The following GINS3 variants were observed in gnomAD, a reference collection of about 807,000 sequenced individuals.
GINS3 encodes DNA replication complex GINS protein PSF3.
In GINS3, 18 loss-of-function variants were observed where a neutral mutation model predicts 20.0. The ratio of observed to expected loss-of-function variants is 0.90; its 90% CI spans 0.62 to 1.33. The LOEUF (loss-of-function observed/expected upper bound fraction) is 1.33, where lower values mean the gene tolerates loss of function less well. Ranked by LOEUF, GINS3 falls within the 40% of genes most tolerant of loss-of-function variation. The pLI, the probability that GINS3 is intolerant of heterozygous loss-of-function variation, is 0.00. For missense variants in GINS3, 254 were observed against 273.6 expected (o/e 0.93, Z 0.51); for synonymous variants, 109 against 107.0 (o/e 1.02, Z -0.12).
rs1336812106 is a variant in GINS3, at chr16:58,403,294, G to A, written c.383G>A (p.Ser128Asn). 1 of 1,614,104 alleles carries A rather than the reference G, an allele frequency of 6.2e-7. No homozygotes were observed. Among genetic ancestry groups the A allele is most frequent in the South Asian group, 1.1e-5 (1 of 91,078 alleles). Reference protein sequence around the residue: ...GFGSQLLHFDSPENADISQSL... With the variant: ...GFGSQLLHFDNPENADISQSL... ...GGCTCCCAGCTCCTGCATTTTGACA[G>A]TCCCGAGAATGCAGACATTTCCCAG... The change falls in exon 2 of 3, where the codon AGT becomes AAT. Residue 128 changes from serine (S) to asparagine (N), a missense_variant. Ser to Asn is a conservative substitution (Grantham distance 46). Transcript: ENST00000318129.
intron 1 of GINS3, among the ~76,000 whole-genome samples, chr16:58,399,654 T>G (rs1447480036): frequency 6.6e-6 from 1 of 152,190 alleles, no homozygotes; most frequent in Admixed American, 6.5e-5. Context: ...TCTTACTATT[T>G]TCTTATGTCC....
chr16:58,392,562 G>T lies in GINS3; in HGVS notation c.-40G>T. The T allele has an allele frequency of 1.2e-6, 2 of 1,607,760 alleles. No homozygotes were observed. The highest frequency in any genetic ancestry group is 2.2e-5 in the South Asian group (2 of 90,324). On this transcript the variant is annotated 5_prime_UTR_variant, in exon 1 of 3. Transcript: ENST00000318129. ...CACCCCTAACTCCTGAGGCTCCTCCGAATCACGCGAGTGGAAGCGGAGAAG... is the reference window on the plus strand; with the variant it reads ...CACCCCTAACTCCTGAGGCTCCTCCTAATCACGCGAGTGGAAGCGGAGAAG...
intron 1 of GINS3, chr16:58,395,231 A>G (rs1596954497): frequency 5.2e-6 from 2 of 383,814 alleles, no homozygotes; most frequent in Non-Finnish European, 9.0e-6. Flanking sequence ...ACATGCCACC[A>G]TGTCCAGCTA....
In GINS3 at chr16:58,403,111, A is replaced by G; in HGVS notation, c.200A>G (p.Glu67Gly). The G allele has an allele frequency of 1.2e-6, 2 of 1,614,088 alleles. No individual in the cohort carries two copies. The highest frequency in any genetic ancestry group is 1.7e-6 in the Non-Finnish European group (2 of 1,179,980). Residue 67 changes from glutamate (E) to glycine (G), a missense_variant, in exon 2 of 3, where the codon GAA (glutamate) becomes GGA (glycine). Physicochemically the swap from Glu to Gly is moderately conservative, Grantham distance 98 (BLOSUM62 -2). Transcript: ENST00000318129. ...TGCATGCTGCAGGGTTCCAAGCTTG[A>G]ACTACCCTTGTGGCTGGCAAAAGGA... ...DNAVPQGSKL[E>G]LPLWLAKGLF...
At chr16:58,392,815 C>A in intron 1 of GINS3, 28 bp downstream of exon 1, 1 of 1,558,342 alleles carries the variant, frequency 6.4e-7, no homozygotes, top group South Asian at 1.2e-5. Context: ...GGGTCCTGCC[C>A]GGAAAGACTG....
intron 1 of GINS3, among the ~76,000 whole-genome samples, chr16:58,397,630 C>G (rs1174793323): frequency 1.3e-5 from 2 of 152,160 alleles, no homozygotes; most frequent in African/African-American, 4.8e-5. Context: ...CACAGCGAAA[C>G]CCCGTCTCCA....
intron 1 of GINS3, among the ~76,000 whole-genome samples, chr16:58,402,541 A>G (rs1204261053): frequency 2.0e-5 from 3 of 152,024 alleles, no homozygotes; most frequent in African/African-American, 7.2e-5. Flanking sequence ...ATGACTCTTA[A>G]TTTCTGGTCT....
intron 1 of GINS3, among the ~76,000 whole-genome samples, chr16:58,396,762 G>C (rs1965874445): frequency 1.5e-5 from 2 of 135,208 alleles, no homozygotes; most frequent in Admixed American, 1.4e-4. Context: ...CGGGCGGGGG[G>C]CTGACCCCCC....
Position 58,404,852 on chromosome 16 carries a change from A to G in GINS3, c.*123A>G, listed in dbSNP as rs777491345. 2.8e-6 allele frequency: 2 copies of G among 702,678 alleles called. No individual in the cohort carries two copies. The highest frequency in any genetic ancestry group is 2.7e-5 in the East Asian group (1 of 36,998). The allele number at this position is 702,678 out of a possible 1,614,324, so 43.5% of individuals were successfully genotyped here. On this transcript the variant is annotated 3_prime_UTR_variant, in exon 3 of 3. Coordinates refer to ENST00000318129, the MANE Select transcript of GINS3 (RefSeq NM_022770.4). ...ATTTCATGGCTTATTTCCTGTGGCC[A>G]TAGAGAATTATAGGGAACTGGACAT...
chr16:58,396,870 G>T (rs1965878295), intron 1 of GINS3, among the ~76,000 whole-genome samples: 1 of 145,372 alleles, frequency 6.9e-6, no homozygotes, highest in Non-Finnish European at 1.5e-5. Context: ...CCCGGACGGG[G>T]CGGCTGGCCG....
At chr16:58,397,705 G>A (rs1426164303) in intron 1 of GINS3, among the ~76,000 whole-genome samples, 1 of 152,186 alleles carries the variant, frequency 6.6e-6, no homozygotes, top group East Asian at 1.9e-4. Context: ...CACTCGGCAG[G>A]CTGAGGCAGG....
Position 58,404,992 on chromosome 16 carries a change from C to G in GINS3, c.*263C>G. On this transcript the variant is annotated 3_prime_UTR_variant, in exon 3 of 3. Transcript: ENST00000318129. The stretch of plus-strand genomic sequence containing the variant: ...CCCATGGCCAAGGAGAAATCAAAGT[C>G]CTTCCTAAATAAGAATCACTGCCAT... 1 of 437,952 alleles carries G rather than the reference C, an allele frequency of 2.3e-6. No homozygotes were observed. The highest frequency in any genetic ancestry group is 4.1e-6 in the Non-Finnish European group (1 of 241,730). 27.1% of individuals were successfully genotyped at this position (437,952 alleles called of 1,614,324 possible). A position where few individuals can be genotyped will look rare whatever the true frequency, so the allele number is the denominator to read the frequency against.
chr16:58,404,717 T>C lies in GINS3; in HGVS notation c.639T>C (p.Asp213=), dbSNP rs1314578075. 1 of 1,613,104 alleles carries C rather than the reference T, an allele frequency of 6.2e-7. No individual in the cohort carries two copies. The highest frequency in any genetic ancestry group is 8.5e-7 in the Non-Finnish European group (1 of 1,179,266). ...ATTACAAGAAGAGAAAATTCACTGA[T>C]ATGGAAGACTGAAAGCCGGAAGAAC... ...VQNYKKRKFT[D]MED The change falls in exon 3 of 3, where the codon GAT becomes GAC. Residue 213 remains aspartate, a synonymous_variant. Coordinates refer to ENST00000318129, the MANE Select transcript of GINS3 (RefSeq NM_022770.4).
intron 1 of GINS3, among the ~76,000 whole-genome samples, chr16:58,395,942 C>A (rs965832163): frequency 2.7e-5 from 4 of 149,792 alleles, no homozygotes; most frequent in African/African-American, 4.9e-5. Flanking sequence ...CCGGACGGGG[C>A]GGCTGGCTGG....
intron 2 of GINS3, 171 bp downstream of exon 2, chr16:58,403,502 C>T: frequency 1.7e-6 from 1 of 572,830 alleles, no homozygotes. Context: ...TATACACACA[C>T]ACACACACAC....
rs934476785 is a variant in GINS3, at chr16:58,406,081, C to T, written c.*1352C>T. On this transcript the variant is annotated 3_prime_UTR_variant, in exon 3 of 3. Coordinates refer to ENST00000318129, the MANE Select transcript of GINS3 (RefSeq NM_022770.4). ...CTCTTTCACTAGTACTACAGATAAT[C>T]AAAGCTATCAGAATTGTGTCTTTGA... is the stretch of plus-strand genomic sequence containing the variant. 1.3e-5 allele frequency: 2 copies of T among 151,778 alleles called. No homozygotes were observed. The highest frequency in any genetic ancestry group is 4.9e-5 in the African/African-American group (2 of 41,098). The allele number at this position is 151,778 out of a possible 1,614,324, so 9.4% of individuals were successfully genotyped here. A position where few individuals can be genotyped will look rare whatever the true frequency, so the allele number is the denominator to read the frequency against.
intron 1 of GINS3, among the ~76,000 whole-genome samples, chr16:58,402,382 C>T (rs1324089222): frequency 6.6e-6 from 1 of 152,182 alleles, no homozygotes; most frequent in Non-Finnish European, 1.5e-5. Flanking sequence ...CAATATTGGT[C>T]TGTCTAGTCC....
At chr16:58,399,671 T>G (rs532931803) in intron 1 of GINS3, among the ~76,000 whole-genome samples, 3 of 152,270 alleles carry the variant, frequency 2.0e-5, no homozygotes, top group Admixed American at 2.0e-4. Context: ...GTCCCATCTG[T>G]TTTAGCTTTC....
chr16:58,396,267 A>AT (rs1965855641), intron 1 of GINS3, among the ~76,000 whole-genome samples: 1 of 95,302 alleles, frequency 1.0e-5, no homozygotes, highest in Non-Finnish European at 2.1e-5. Context: ...TGGGGGGCTG[A>AT]CTCCCCCACC....
Sources: allele counts gnomAD v4.1 joint callset (sites outside exome capture counted in the v4.1 genomes callset), GRCh38; gene constraint gnomAD v4.1.1; transcripts MANE v1.5; gene names NCBI Gene and HGNC (gene_info 2026-07-23, HGNC 2026-07-21).